Variants in EYS observed in about 807,000 individuals in gnomAD.
The protein encoded by EYS is protein eyes shut homolog.
A neutral mutation model predicts 282.1 loss-of-function variants in EYS; 250 were observed. That is an observed-to-expected ratio of 0.89 (90% CI 0.80 to 0.98). The LOEUF is 0.98. EYS is among the 50% of genes least tolerant of loss of function. The pLI is 0.00. For missense variants in EYS, 4,016 were observed against 3,709.0 expected (o/e 1.08, Z -2.15); for synonymous variants, 1,355 against 1,282.9 (o/e 1.06, Z -1.20).
At chr6:64,170,472 A>G (rs996942785) in intron 31 of EYS, among the ~76,000 whole-genome samples, 5 of 151,980 alleles carry the variant, frequency 3.3e-5, no homozygotes, top group Non-Finnish European at 5.9e-5. Context: ...GCTCTAGGGA[A>G]GAATTCTTTG....
chr6:63,851,742 A>G lies in EYS; in HGVS notation c.7228+12444T>C, dbSNP rs948963682. On this transcript the variant is annotated intron_variant, in intron 36 of 42. Transcript: ENST00000503581. Reference sequence around the variant, plus strand: ...TGGGAAGGCTCTAAAACTGACACCCAACATCACAATTTAAAGAACTAGAGA... The same window carrying G: ...TGGGAAGGCTCTAAAACTGACACCCGACATCACAATTTAAAGAACTAGAGA... Among the ~76,000 whole-genome samples, 5 of 152,336 alleles carry G rather than the reference A, an allele frequency of 3.3e-5. No homozygotes were observed. The South Asian group carries it at 8.3e-4, about 25-fold the overall frequency.
At chr6:64,688,162 T>C (rs928075587) in intron 22 of EYS, among the ~76,000 whole-genome samples, 1 of 152,140 alleles carries the variant, frequency 6.6e-6, no homozygotes, top group African/African-American at 2.4e-5. Flanking sequence ...TTGTGGATCT[T>C]TTCAAAAAAA....
chr6:64,878,989 T>C (rs1345128324), intron 19 of EYS, among the ~76,000 whole-genome samples: 1 of 152,178 alleles, frequency 6.6e-6, no homozygotes, highest in Admixed American at 6.6e-5. Context: ...ACACGCATTT[T>C]TGTTTGCATT....
intron 1 of EYS, among the ~76,000 whole-genome samples, chr6:65,643,457 T>A (rs1767347924): frequency 6.6e-6 from 1 of 152,172 alleles, no homozygotes; most frequent in African/African-American, 2.4e-5. Flanking sequence ...CCAGTGTAGT[T>A]GCCAAAGAAA....
intron 1 of EYS, among the ~76,000 whole-genome samples, chr6:65,702,058 C>G (rs897724203): frequency 1.3e-5 from 2 of 152,164 alleles, no homozygotes; most frequent in Non-Finnish European, 1.5e-5. Context: ...CTTAACAAAT[C>G]GTCACCACCA....
chr6:63,819,045 T>C (rs1242970764), intron 36 of EYS, among the ~76,000 whole-genome samples: 3 of 152,206 alleles, frequency 2.0e-5, no homozygotes, highest in African/African-American at 7.2e-5. Flanking sequence ...TAATCTACCT[T>C]CTCACAAATC....
At chr6:65,049,442 G>A (rs1334269303) in intron 13 of EYS, among the ~76,000 whole-genome samples, 1 of 151,688 alleles carries the variant, frequency 6.6e-6, no homozygotes, top group Non-Finnish European at 1.5e-5. Context: ...TCAATTTAAA[G>A]GGAAAAGACC....
At chr6:65,368,185 C>A (rs10455580) in intron 8 of EYS, among the ~76,000 whole-genome samples, 32,205 of 151,378 alleles carry the variant, frequency 0.21, 4,051 homozygotes, top group Non-Finnish European at 0.27. Context: ...GGGGTAACCG[C>A]CCCCATGATT....
At chr6:64,032,440 AT>A (rs1430148976) in intron 33 of EYS, among the ~76,000 whole-genome samples, 1 of 152,124 alleles carries the variant, frequency 6.6e-6, no homozygotes, top group Non-Finnish European at 1.5e-5. Flanking sequence ...TATTTACAAC[AT>A]TTCTGACACC....
intron 36 of EYS, chr6:63,821,695 G>A (rs551046597): frequency 6.6e-6 from 1 of 152,372 alleles, no homozygotes; most frequent in African/African-American, 2.4e-5. Flanking sequence ...GTTTTCTTAA[G>A]TTCTGACCAA....
intron 4 of EYS, 43 bp downstream of exon 4, chr6:65,494,620 G>A: frequency 2.0e-6 from 3 of 1,477,996 alleles, no homozygotes; most frequent in Non-Finnish European, 1.8e-6. Flanking sequence ...AATGCACTGT[G>A]TTTCTCTATT....
At chr6:63,956,159 T>C (rs1238936002) in intron 35 of EYS, among the ~76,000 whole-genome samples, 1 of 152,164 alleles carries the variant, frequency 6.6e-6, no homozygotes, top group African/African-American at 2.4e-5. Context: ...AAGACAGGAA[T>C]GTCAGGCCTC....
intron 14 of EYS, among the ~76,000 whole-genome samples, chr6:64,971,905 C>A (rs79512976): frequency 1.5e-3 from 223 of 152,146 alleles, no homozygotes; most frequent in Admixed American, 3.6e-3. Flanking sequence ...TAAGTAAGTT[C>A]TTGCTGAAGA....
At chr6:63,739,533 C>T (rs562058417) in intron 41 of EYS, among the ~76,000 whole-genome samples, 1 of 152,220 alleles carries the variant, frequency 6.6e-6, no homozygotes, top group South Asian at 2.1e-4. Flanking sequence ...AGGGACTTAC[C>T]TTTGAACTCT....
At chr6:65,097,693 C>T (rs1774778397) in intron 12 of EYS, among the ~76,000 whole-genome samples, 1 of 150,564 alleles carries the variant, frequency 6.6e-6, no homozygotes, top group South Asian at 2.1e-4. Flanking sequence ...AGTCTTGCTA[C>T]ATGCAACAAC....
chr6:65,162,736 TGG>T (rs1410835568), intron 12 of EYS, among the ~76,000 whole-genome samples: 2 of 151,160 alleles, frequency 1.3e-5, no homozygotes, highest in Admixed American at 1.3e-4. Context: ...TTATTCTCAT[TGG>T]TGTTTAGGTG....
intron 37 of EYS, among the ~76,000 whole-genome samples, chr6:63,800,841 T>A (rs982964381): frequency 2.0e-5 from 3 of 152,172 alleles, no homozygotes; most frequent in African/African-American, 7.2e-5. Context: ...AGTTAAAGAC[T>A]CAAAGAAGAA....
chr6:64,246,878 A>C (rs1431103498), intron 30 of EYS, among the ~76,000 whole-genome samples: 1 of 152,140 alleles, frequency 6.6e-6, no homozygotes, highest in East Asian at 1.9e-4. Context: ...TAGATTTTTG[A>C]GGGAATGCAG....
intron 33 of EYS, among the ~76,000 whole-genome samples, chr6:64,042,625 CT>C (rs544332961): frequency 1.2e-3 from 179 of 152,326 alleles, no homozygotes; most frequent in Middle Eastern, 3.4e-3. Context: ...TCCAGATTCA[CT>C]TCTTGTGACT....
Sources: allele counts gnomAD v4.1 joint callset (sites outside exome capture counted in the v4.1 genomes callset), GRCh38; gene constraint gnomAD v4.1.1; transcripts MANE v1.5; gene names NCBI Gene and HGNC (gene_info 2026-07-23, HGNC 2026-07-21).